LINGO2: variants seen among roughly 807,000 people sequenced by gnomAD.
LINGO2 encodes the protein leucine rich repeat and Ig domain containing 2, also known as leucine-rich repeat and immunoglobulin-like domain-containing nogo receptor-interacting protein 2.
LINGO2 carries 14 observed loss-of-function variants against 30.6 expected under a neutral mutation model. The ratio of observed to expected loss-of-function variants is 0.46; its 90% CI spans 0.30 to 0.72. The LOEUF is 0.72. LINGO2 is among the 30% of genes least tolerant of loss of function. The probability of loss-of-function intolerance (pLI) is 0.07; values close to 1 mark genes in which losing one functional copy is unlikely to be tolerated. For synonymous variants in LINGO2, 317 were observed against 288.5 expected (o/e 1.10, Z -1.00); for missense variants, 729 against 751.7 (o/e 0.97, Z 0.35).
the LINGO2 span, among the ~76,000 whole-genome samples, chr9:29,119,365 G>GCACACACACGCA: frequency 9.3e-4 from 141 of 151,138 alleles, no homozygotes; most frequent in African/African-American, 3.2e-3. Context: ...ACGTGTGCGC[G>GCACACACACGCA]CACACACACA....
chr9:29,003,856 C>T, the LINGO2 span, among the ~76,000 whole-genome samples: 1 of 151,974 alleles, frequency 6.6e-6, no homozygotes, highest in South Asian at 2.1e-4. Flanking sequence ...GAATCTGTAT[C>T]ACTAGATTTT....
chr9:29,129,563 T>C, the LINGO2 span, among the ~76,000 whole-genome samples: 47 of 152,196 alleles, frequency 3.1e-4, no homozygotes, highest in African/African-American at 1.1e-3. Flanking sequence ...TCAGTAAAAT[T>C]TAAGGTTACT....
the LINGO2 span, among the ~76,000 whole-genome samples, chr9:28,810,464 C>T: frequency 6.6e-6 from 1 of 152,110 alleles, no homozygotes; most frequent in East Asian, 1.9e-4. Flanking sequence ...GAGATGTCAC[C>T]TCACATACCA....
chr9:28,863,160 G>T, the LINGO2 span, among the ~76,000 whole-genome samples: 1 of 151,866 alleles, frequency 6.6e-6, no homozygotes, highest in Non-Finnish European at 1.5e-5. Context: ...ATAAAATGTT[G>T]CTTTTTACAA....
At chr9:28,632,747 T>TATAGATCTATATATTAATATAG (rs1563878651) in intron 1 of LINGO2, among the ~76,000 whole-genome samples, 2 of 137,232 alleles carry the variant, frequency 1.5e-5, no homozygotes, top group African/African-American at 5.5e-5. Flanking sequence ...TATTTATATA[T>TATAGATCTATATATTAATATAG]AGATCTATAT....
the LINGO2 span, among the ~76,000 whole-genome samples, chr9:29,079,057 T>A: frequency 4.6e-5 from 7 of 151,970 alleles, no homozygotes; most frequent in African/African-American, 7.2e-5. Flanking sequence ...AATCCAGATA[T>A]GACTTTCATC....
intron 4 of LINGO2, among the ~76,000 whole-genome samples, chr9:28,140,438 A>G (rs17698804): frequency 0.038 from 5,746 of 152,258 alleles, 180 homozygotes; most frequent in Admixed American, 0.083. Context: ...GAGAGTAGCC[A>G]TACTTCTTAT....
At chr9:29,112,172 T>G in the LINGO2 span, among the ~76,000 whole-genome samples, 1 of 151,906 alleles carries the variant, frequency 6.6e-6, no homozygotes, top group African/African-American at 2.4e-5. Flanking sequence ...TGATGTCTAA[T>G]TTTTAGAGAA....
rs181930006 is a variant in LINGO2 at position 27,950,972 on chromosome 9, C to A, written c.-35-266G>T. Among the ~76,000 whole-genome samples, 79 of 152,180 alleles carry A rather than the reference C, an allele frequency of 5.2e-4. 1 individual carries two copies. The East Asian group carries it at 0.013, about 25-fold the overall frequency. ...CTTCCCAGAGTTGTCATGACAATTT[C>A]AATGTTTGACAAGTATAAAGATAAT... On this transcript the variant is annotated intron_variant, in intron 5 of 5. Coordinates refer to ENST00000379992, the Ensembl canonical transcript of LINGO2.
At chr9:28,459,743 CTTA>C (rs908511767) in intron 2 of LINGO2, among the ~76,000 whole-genome samples, 8 of 151,556 alleles carry the variant, frequency 5.3e-5, no homozygotes, top group Non-Finnish European at 1.2e-4. Flanking sequence ...ATCTGGCATT[CTTA>C]TAAGACTGTT....
At chr9:28,233,651 G>A (rs926046062) in intron 4 of LINGO2, among the ~76,000 whole-genome samples, 1 of 152,176 alleles carries the variant, frequency 6.6e-6, no homozygotes, top group African/African-American at 2.4e-5. Flanking sequence ...ACTCCAGCAA[G>A]TACAGCTCAT....
chr9:28,175,014 A>G (rs1339870443), intron 4 of LINGO2, among the ~76,000 whole-genome samples: 5 of 151,922 alleles, frequency 3.3e-5, no homozygotes, highest in Non-Finnish European at 5.9e-5. Context: ...GTATTGTATA[A>G]GGGTAACTGC....
chr9:29,163,191 AAAACTGC>A, the LINGO2 span, among the ~76,000 whole-genome samples: 5 of 152,300 alleles, frequency 3.3e-5, no homozygotes, highest in East Asian at 9.6e-4. Flanking sequence ...TCTTTGCCAG[AAAACTGC>A]TGAGGATGTA....
In LINGO2 at chr9:28,052,104, G is replaced by C. The variant is rs144648525; in HGVS notation, c.-86-39699C>G. 1.2e-3 allele frequency among the ~76,000 whole-genome samples: 184 copies of C among 152,144 alleles called. 2 individuals carry two copies. Among genetic ancestry groups the C allele is most frequent in the African/African-American group, 4.3e-3 (179 of 41,536 alleles). ...TTTAGCAGAGGGTAAACTGGGCCCA[G>C]TAAGTGGTTTCAGATTTAAATTTTA... On this transcript the variant is annotated intron_variant, in intron 4 of 5. Transcript: ENST00000379992.
the LINGO2 span, among the ~76,000 whole-genome samples, chr9:29,110,335 T>C: frequency 6.6e-6 from 1 of 152,236 alleles, no homozygotes; most frequent in African/African-American, 2.4e-5. Flanking sequence ...TTTGTTTGTT[T>C]GTTTGTTTGT....
chr9:28,875,809 G>T, the LINGO2 span, among the ~76,000 whole-genome samples: 1 of 152,026 alleles, frequency 6.6e-6, no homozygotes, highest in Non-Finnish European at 1.5e-5. Context: ...TCTCTTATTT[G>T]AATGTGTGTG....
intron 1 of LINGO2, among the ~76,000 whole-genome samples, chr9:28,531,482 A>G (rs926773634): frequency 6.6e-6 from 1 of 152,090 alleles, no homozygotes; most frequent in African/African-American, 2.4e-5. Context: ...ATCTGACTTC[A>G]TAGTTTTGAA....
At chr9:28,693,231 A>G in the LINGO2 span, among the ~76,000 whole-genome samples, 1 of 152,108 alleles carries the variant, frequency 6.6e-6, no homozygotes, top group African/African-American at 2.4e-5. Flanking sequence ...TTTTAAACAT[A>G]TTGAGACATT....
At chr9:28,363,819 GTGTC>G (rs1820549090) in intron 3 of LINGO2, among the ~76,000 whole-genome samples, 1 of 151,848 alleles carries the variant, frequency 6.6e-6, no homozygotes, top group Non-Finnish European at 1.5e-5. Flanking sequence ...TTCTCCTAAC[GTGTC>G]TGTCTCTTTG....
Sources: allele counts gnomAD v4.1 joint callset (sites outside exome capture counted in the v4.1 genomes callset), GRCh38; gene constraint gnomAD v4.1.1; transcripts MANE v1.5; gene names NCBI Gene and HGNC (gene_info 2026-07-23, HGNC 2026-07-21).